The following PACS1 variants were observed in gnomAD, a reference collection of about 807,000 sequenced individuals.
The protein encoded by PACS1 is phosphofurin acidic cluster sorting protein 1, also known as PACS-1.
PACS1 carries 24 observed loss-of-function variants against 115.0 expected under a neutral mutation model. The observed-to-expected ratio is 0.21, with a 90% confidence interval of 0.15 to 0.29. The LOEUF is 0.29. Among genes scored for constraint, PACS1 ranks in the 10% least tolerant of loss-of-function variants. PACS1 has a pLI of 1.00. For synonymous variants in PACS1, 453 were observed against 504.5 expected, an observed-to-expected ratio of 0.90 and a Z score of 1.37; for missense variants, 838 against 1,251.2, an observed-to-expected ratio of 0.67 and a Z score of 4.98.
intron 1 of PACS1, among the ~76,000 whole-genome samples, chr11:66,114,891 A>G (rs911257250): frequency 6.6e-6 from 1 of 152,194 alleles, no homozygotes; most frequent in African/African-American, 2.4e-5. Context: ...CAAAAGAAGC[A>G]TACATCTCTA....
At chr11:66,231,906 C>T in intron 13 of PACS1, 1 of 375,800 alleles carries the variant, frequency 2.7e-6, no homozygotes, top group Non-Finnish European at 4.9e-6. Context: ...GCTGCACCTC[C>T]ATCCTCTCCA....
At chr11:66,181,116 T>C (rs769692648) in intron 1 of PACS1, among the ~76,000 whole-genome samples, 7 of 152,114 alleles carry the variant, frequency 4.6e-5, no homozygotes, top group Non-Finnish European at 8.8e-5. Context: ...TACACAAATA[T>C]GTAGCTGTAT....
At chr11:66,086,433 C>T (rs1171010176) in intron 1 of PACS1, among the ~76,000 whole-genome samples, 1 of 151,922 alleles carries the variant, frequency 6.6e-6, no homozygotes, top group Non-Finnish European at 1.5e-5. Context: ...CCACCGCGCC[C>T]GGCCTGTAAG....
At chr11:66,179,135 AAT>A (rs1267153653) in intron 1 of PACS1, among the ~76,000 whole-genome samples, 2 of 152,200 alleles carry the variant, frequency 1.3e-5, no homozygotes, top group African/African-American at 4.8e-5. Context: ...GTAAAAATGA[AAT>A]ACTGTCTCCC....
chr11:66,163,257 G>T (rs1187563149), intron 1 of PACS1, among the ~76,000 whole-genome samples: 1 of 150,976 alleles, frequency 6.6e-6, no homozygotes, highest in South Asian at 2.1e-4. Flanking sequence ...AGGCTAAGGT[G>T]AGAGAACTGC....
chr11:66,178,717 T>TC (rs563482406), intron 1 of PACS1, among the ~76,000 whole-genome samples: 23 of 152,340 alleles, frequency 1.5e-4, no homozygotes, highest in African/African-American at 5.1e-4. Context: ...TATATTTTTT[T>TC]CAGATCTCTT....
intron 1 of PACS1, among the ~76,000 whole-genome samples, chr11:66,082,758 G>A (rs951448187): frequency 3.3e-5 from 5 of 152,316 alleles, no homozygotes; most frequent in African/African-American, 1.2e-4. Context: ...GGGAGGCTGA[G>A]ACAGGAGAAT....
At chr11:66,102,262 G>T (rs1214996707) in intron 1 of PACS1, among the ~76,000 whole-genome samples, 7 of 152,024 alleles carry the variant, frequency 4.6e-5, no homozygotes, top group Non-Finnish European at 7.4e-5. Flanking sequence ...GGACAGACAC[G>T]TGATTCTGAC....
intron 1 of PACS1, among the ~76,000 whole-genome samples, chr11:66,119,968 T>A (rs950146098): frequency 2.0e-5 from 3 of 152,114 alleles, no homozygotes; most frequent in Non-Finnish European, 4.4e-5. Context: ...CCTGGTTCTG[T>A]CCCTTTCTGC....
chr11:66,237,851 C>T (rs868019716), intron 19 of PACS1, among the ~76,000 whole-genome samples: 3 of 152,232 alleles, frequency 2.0e-5, no homozygotes, highest in Admixed American at 1.3e-4. Flanking sequence ...CTCTGGGAAT[C>T]AAAAGAAGGG....
At chr11:66,224,153 G>A (rs1016291567) in intron 10 of PACS1, among the ~76,000 whole-genome samples, 3 of 126,284 alleles carry the variant, frequency 2.4e-5, no homozygotes, top group Non-Finnish European at 4.7e-5. Flanking sequence ...CCAAGATCCC[G>A]CCACTGCACT....
At chr11:66,076,770 T>C (rs1031325362) in intron 1 of PACS1, among the ~76,000 whole-genome samples, 2 of 152,252 alleles carry the variant, frequency 1.3e-5, no homozygotes, top group Non-Finnish European at 2.9e-5. Flanking sequence ...GGTGTTGGCC[T>C]GGCTTGCACC....
At chr11:66,240,064 G>T (rs1295455282) in intron 21 of PACS1, among the ~76,000 whole-genome samples, 2 of 152,102 alleles carry the variant, frequency 1.3e-5, no homozygotes, top group Non-Finnish European at 2.9e-5. Context: ...ACAGTCAGAG[G>T]GCCTCTCTAA....
intron 1 of PACS1, among the ~76,000 whole-genome samples, chr11:66,141,433 C>A (rs761463980): frequency 1.7e-4 from 26 of 152,072 alleles, no homozygotes; most frequent in Non-Finnish European, 2.9e-4. Context: ...GCGGGCGGAT[C>A]ACCTGAGATC....
In PACS1 at chr11:66,216,569, C is replaced by T; in HGVS notation, c.855C>T (p.Phe285=). The T allele has an allele frequency of 6.2e-7, 1 of 1,614,144 alleles. No homozygotes were observed. Among genetic ancestry groups the T allele is most frequent in the Non-Finnish European group, 8.5e-7 (1 of 1,179,966 alleles). The change falls in exon 6 of 24, where the codon TTC becomes TTT. Residue 285 remains phenylalanine, a synonymous_variant. Transcript: ENST00000320580. ...ATTCTGAGGAAGAGGAAGAGAGTTT[C>T]TCATCAGAACAGGAAGGCAGTGATG... ...DNYSEEEEES[F]SSEQEGSDDP...
chr11:66,161,312 C>T (rs1211393410), intron 1 of PACS1, among the ~76,000 whole-genome samples: 2 of 151,890 alleles, frequency 1.3e-5, no homozygotes, highest in African/African-American at 4.8e-5. Context: ...ATTAGCCGGG[C>T]GTGGTGGCAT....
intron 4 of PACS1, among the ~76,000 whole-genome samples, chr11:66,212,875 A>T (rs1212340261): frequency 6.6e-6 from 1 of 152,098 alleles, no homozygotes; most frequent in Non-Finnish European, 1.5e-5. Flanking sequence ...TTCGAGACAG[A>T]GTCTCACTTC....
At position 66,075,781 on chromosome 11, in the gene PACS1, C is replaced by T. The variant is rs151327808; in HGVS notation, c.356+4939C>T. On this transcript the variant is annotated intron_variant, in intron 1 of 23. Coordinates refer to ENST00000320580, the MANE Select transcript of PACS1 (RefSeq NM_018026.4). ...TTGAGACGGAGTCTCGCTCTGTCCC[C>T]CGGCTGGAATGCAGTGGCGCGATCT... Among the ~76,000 whole-genome samples, 1,215 of 150,922 alleles carry T rather than the reference C, an allele frequency of 8.1e-3. 83 individuals carry two copies. In the East Asian group the frequency reaches 0.17, roughly 21 times the overall value.
At chr11:66,089,003 T>C (rs1565101797) in intron 1 of PACS1, among the ~76,000 whole-genome samples, 1 of 152,220 alleles carries the variant, frequency 6.6e-6, no homozygotes, top group Non-Finnish European at 1.5e-5. Context: ...AATTTTGTAA[T>C]TGTAATTTTG....
Sources: gnomAD v4.1 joint callset for allele counts (sites outside exome capture counted in the v4.1 genomes callset) on GRCh38, gnomAD v4.1.1 for gene constraint, MANE v1.5 for transcripts, NCBI Gene and HGNC (gene_info 2026-07-23, HGNC 2026-07-21) for gene names.